The following TRRAP variants were observed in gnomAD, a reference collection of about 807,000 sequenced individuals.
The protein encoded by TRRAP is transformation/transcription domain associated protein, also known as transformation/transcription domain-associated protein.
A neutral mutation model predicts 438.8 loss-of-function variants in TRRAP; 41 were observed. The observed-to-expected ratio is 0.09, with a 90% confidence interval of 0.07 to 0.12. TRRAP has a LOEUF of 0.12. Among genes scored for constraint, TRRAP ranks in the 10% least tolerant of loss-of-function variants. TRRAP has a pLI of 1.00. For synonymous variants in TRRAP, 1,994 were observed against 1,962.9 expected (o/e 1.02, Z -0.42); for missense variants, 3,122 against 5,055.1 (o/e 0.62, Z 11.60).
chr7:98,898,849 G>A (rs1796342599), intron 8 of TRRAP, among the ~76,000 whole-genome samples: 2 of 152,078 alleles, frequency 1.3e-5, no homozygotes, highest in South Asian at 2.1e-4. Context: ...TCCAAGTTTG[G>A]ACATAGTTTC....
chr7:98,992,560 C>CGT (rs72517544), intron 65 of TRRAP, among the ~76,000 whole-genome samples: 23,319 of 149,112 alleles, frequency 0.16, 2,100 homozygotes, highest in Non-Finnish European at 0.21. Flanking sequence ...TGCCAGCTGC[C>CGT]GTGTGTGTGT....
At chr7:98,964,472 C>T (rs1235575286) in intron 47 of TRRAP, among the ~76,000 whole-genome samples, 157 bp from the exon 48 acceptor site, 1 of 152,172 alleles carries the variant, frequency 6.6e-6, no homozygotes, top group African/African-American at 2.4e-5. Context: ...GTGTTTCATT[C>T]AGAATGTAGC....
At chr7:98,949,188 T>C (rs1554417554) in intron 35 of TRRAP, among the ~76,000 whole-genome samples, 2 of 152,032 alleles carry the variant, frequency 1.3e-5, no homozygotes, top group African/African-American at 4.8e-5. Context: ...GCTATGATTT[T>C]ACCACTGCAC....
intron 67 of TRRAP, among the ~76,000 whole-genome samples, chr7:98,995,716 C>G (rs1793621528): frequency 6.7e-6 from 1 of 150,214 alleles, no homozygotes; most frequent in Admixed American, 6.6e-5. Flanking sequence ...CACACATGTC[C>G]CATCTACGCA....
chr7:98,902,265 A>G (rs1213971523), intron 11 of TRRAP, among the ~76,000 whole-genome samples: 1 of 152,198 alleles, frequency 6.6e-6, no homozygotes, highest in Non-Finnish European at 1.5e-5. Context: ...AGGAGACTGT[A>G]TGGTGGATTT....
intron 52 of TRRAP, among the ~76,000 whole-genome samples, chr7:98,970,511 T>A (rs1243651681): frequency 6.6e-6 from 1 of 152,164 alleles, no homozygotes; most frequent in Non-Finnish European, 1.5e-5. Context: ...AGTTTTTGTA[T>A]CAGCTTTAGA....
chr7:98,897,676 G>C, intron 7 of TRRAP, 65 bp from the exon 8 acceptor site: 1 of 1,192,300 alleles, frequency 8.4e-7, no homozygotes, highest in Non-Finnish European at 1.2e-6. Context: ...GTTTTGTTTT[G>C]TTTTGTTTTT....
Position 98,964,850 on chromosome 7 carries a change from G to A in TRRAP, c.6976+75G>A, listed in dbSNP as rs1792080344. 3 of 1,490,430 alleles carry A rather than the reference G, an allele frequency of 2.0e-6. No individual in the cohort carries two copies. In the South Asian group the frequency reaches 4.2e-5, roughly 21 times the overall value. 92.3% of individuals were successfully genotyped at this position (1,490,430 alleles called of 1,614,324 possible). A position where few individuals can be genotyped will look rare whatever the true frequency, so the allele number is the denominator to read the frequency against. On this transcript the variant is annotated intron_variant, in intron 48 of 72. Transcript: ENST00000456197. ...AACAGACTCTGTTGTGCAGGCTGGG[G>A]CTGAACTCTAAAGGGAATGTGCATT...
intron 3 of TRRAP, among the ~76,000 whole-genome samples, chr7:98,886,404 A>C (rs1795703352): frequency 1.3e-5 from 2 of 152,178 alleles, no homozygotes; most frequent in South Asian, 2.1e-4. Flanking sequence ...ATAGATATAG[A>C]TATCTAGAGA....
intron 33 of TRRAP, among the ~76,000 whole-genome samples, chr7:98,946,751 T>C (rs573557197): frequency 6.6e-6 from 1 of 152,328 alleles, no homozygotes; most frequent in East Asian, 1.9e-4. Context: ...GAGCTTTCCC[T>C]CTTGTGTAAA....
intron 22 of TRRAP, among the ~76,000 whole-genome samples, chr7:98,926,629 A>G (rs1225448906): frequency 6.6e-6 from 1 of 152,192 alleles, no homozygotes; most frequent in Non-Finnish European, 1.5e-5. Flanking sequence ...TCCTCCATGG[A>G]AGATTGAGGA....
At chr7:98,969,741 A>G (rs1475618527) in intron 51 of TRRAP, among the ~76,000 whole-genome samples, 3 of 49,976 alleles carry the variant, frequency 6.0e-5, no homozygotes, top group East Asian at 4.9e-4. Flanking sequence ...GCGGGAAGCT[A>G]TGGGTGGGTG....
At chr7:98,927,090 A>T in intron 22 of TRRAP, 77 bp from the exon 23 acceptor site, 1 of 1,522,012 alleles carries the variant, frequency 6.6e-7, no homozygotes, top group Non-Finnish European at 9.0e-7. Context: ...CAGATTAAAA[A>T]TTTGAAAAGA....
At position 98,988,888 on chromosome 7, in the gene TRRAP, G is replaced by T. The variant is rs1381135905; in HGVS notation, c.9513G>T (p.Leu3171=). Residue 3171 remains leucine, a synonymous_variant, in exon 63 of 73, where the codon CTG becomes CTT. Transcript: ENST00000456197. The part of the protein sequence containing the change: ...NIFVKERQLH[L]GVSAITCYLH... ...TTGTGAAGGAGCGGCAGCTGCACCT[G>T]GGCGTGTCTGCCATCACCTGCTACC... 3 of 1,614,042 alleles carry T rather than the reference G, an allele frequency of 1.9e-6. No homozygotes were observed. The highest frequency in any genetic ancestry group is 2.5e-6 in the Non-Finnish European group (3 of 1,180,038).
rs1385266970 is a variant in TRRAP, at chr7:98,990,534, C to G, written c.9671C>G (p.Pro3224Arg). 1 of 1,614,168 alleles carries G rather than the reference C, an allele frequency of 6.2e-7. No individual in the cohort carries two copies. ...AVDKYCIGVP[P>R]IQWLAWIPQL... ...GACAAGTACTGCATTGGTGTGCCACCCATCCAGTGGCTGGCCTGGATCCCA... is the reference window on the plus strand; with the variant it reads ...GACAAGTACTGCATTGGTGTGCCACGCATCCAGTGGCTGGCCTGGATCCCA... Residue 3224 changes from proline to arginine, a missense_variant, in exon 64 of 73, where the codon CCC becomes CGC. Around this residue, in one of 24 missense-constraint regions of TRRAP, gnomAD observed 52 missense variants for 88.3 expected, o/e 0.59. Transcript: ENST00000456197.
intron 52 of TRRAP, among the ~76,000 whole-genome samples, chr7:98,970,972 T>C (rs943238447): frequency 6.6e-6 from 1 of 152,092 alleles, no homozygotes; most frequent in Non-Finnish European, 1.5e-5. Flanking sequence ...CAGGGATTTT[T>C]GTAGGCTGTA....
rs756640521 is a variant in TRRAP at position 98,994,270 on chromosome 7, C to T, written c.10048-317C>T. Among the ~76,000 whole-genome samples, 2 of 152,208 alleles carry T rather than the reference C, an allele frequency of 1.3e-5. No homozygotes were observed. Among genetic ancestry groups the T allele is most frequent in the African/African-American group, 2.4e-5 (1 of 41,440 alleles). ...ACGCAGACACGCGGTGGGAACAGTA[C>T]AGCTGCCTGAAAATGCAGGGGTTTT... On this transcript the variant is annotated intron_variant, in intron 66 of 72. Transcript: ENST00000456197. The surrounding 1 kb of genome is among the most constrained non-coding windows in gnomAD (Gnocchi z 4.8).
chr7:98,991,782 T>C (rs560950464), intron 64 of TRRAP, among the ~76,000 whole-genome samples: 2 of 152,190 alleles, frequency 1.3e-5, no homozygotes, highest in Admixed American at 1.3e-4. Context: ...GATTAGCTGG[T>C]ATTTGTTTGT....
At chr7:98,969,611 G>C (rs573296325) in intron 51 of TRRAP, among the ~76,000 whole-genome samples, 6 of 152,352 alleles carry the variant, frequency 3.9e-5, no homozygotes, top group African/African-American at 1.4e-4. Context: ...CTTGTGCACG[G>C]CCTGTGGGGA....
Sources: gnomAD v4.1 joint callset for allele counts (sites outside exome capture counted in the v4.1 genomes callset) on GRCh38, gnomAD v4.1.1 for gene constraint, gnomAD v4.1.1 regional missense constraint, Gnocchi (gnomAD v3.1) non-coding constraint, MANE v1.5 for transcripts, NCBI Gene and HGNC (gene_info 2026-07-23, HGNC 2026-07-21) for gene names.